RYR1: variants seen among roughly 807,000 people sequenced by gnomAD.
The protein encoded by RYR1 is central core disease of muscle.
Under a neutral mutation model 583.5 loss-of-function variants are expected in RYR1, and 342 were observed. The observed-to-expected ratio is 0.59, with a 90% CI of 0.54 to 0.64. The LOEUF (loss-of-function observed/expected upper bound fraction) is 0.64. Ranked by LOEUF, RYR1 falls within the 30% of genes least tolerant of loss-of-function variation. The pLI, the probability that RYR1 is intolerant of heterozygous loss-of-function variation, is 0.00. For synonymous variants in RYR1, 2,791 were observed against 2,822.5 expected, an observed-to-expected ratio of 0.99 and a Z score of 0.35; for missense variants, 6,032 against 6,917.2, an observed-to-expected ratio of 0.87 and a Z score of 4.54.
intron 89 of RYR1, 25 bp downstream of exon 89, chr19:38,548,445 C>T (rs775666694): frequency 6.2e-7 from 1 of 1,608,754 alleles, no homozygotes; most frequent in Admixed American, 1.7e-5. Flanking sequence ...TCGTGTGGGC[C>T]CAGGACTTGG....
chr19:38,570,707 A>G lies in RYR1; in HGVS notation c.13746+14A>G, dbSNP rs747979719. On this transcript the variant is annotated intron_variant, in intron 94 of 105. Coordinates refer to ENST00000359596, the MANE Select transcript of RYR1 (RefSeq NM_000540.3). ...CTGTTTTATAAGGTGCTGGTCCTGA[A>G]GGGCTGGGAGGGTCAGGCCCTTTTC... 1 of 1,602,026 alleles carries G rather than the reference A, an allele frequency of 6.2e-7. No homozygotes were observed. Among genetic ancestry groups the G allele is most frequent in the Non-Finnish European group, 8.6e-7 (1 of 1,169,282 alleles).
intron 1 of RYR1, among the ~76,000 whole-genome samples, chr19:38,436,208 C>A (rs1972419827): frequency 6.6e-6 from 1 of 151,934 alleles, no homozygotes; most frequent in African/African-American, 2.4e-5. Flanking sequence ...CCACGCCCGG[C>A]CTTTTTTTTT....
chr19:38,583,086 CAA>C (rs2145905893), intron 101 of RYR1, among the ~76,000 whole-genome samples: 1 of 152,172 alleles, frequency 6.6e-6, no homozygotes, highest in South Asian at 2.1e-4. Context: ...CATCTGAGGT[CAA>C]GAGTTTGAGA....
Position 38,573,171 on chromosome 19 carries a change from A to G in RYR1, c.13999-6A>G. The G allele has an allele frequency of 6.2e-7, 1 of 1,612,934 alleles. No homozygotes were observed. On this transcript the variant is annotated splice_polypyrimidine_tract_variant and splice_region_variant and intron_variant, in intron 95 of 105. Coordinates refer to ENST00000359596, the MANE Select transcript of RYR1 (RefSeq NM_000540.3). ...CGCCCACCTTTGGCCTCCTCCCACT[A>G]TCCAGGTGCCCCTGGTAATCTTTAA... is the stretch of plus-strand genomic sequence containing the variant.
At position 38,490,628 on chromosome 19, in the gene RYR1, T is replaced by A. The variant is rs199947661; in HGVS notation, c.6023T>A (p.Met2008Lys). The change falls in exon 37 of 106, where the codon ATG becomes AAG. Residue 2008 changes from methionine to lysine, a missense_variant. Coordinates refer to ENST00000359596, the MANE Select transcript of RYR1 (RefSeq NM_000540.3). ...TCTTTGACCTTCCCCTAGATCAATA[T>A]GCTATTGCAATTCAAAGATGGTACA... The part of the protein sequence containing the change: ...FRSPPQEQIN[M>K]LLQFKDGTDE... 1.2e-6 allele frequency: 2 copies of A among 1,601,906 alleles called. No homozygotes were observed. The highest frequency in any genetic ancestry group is 1.7e-6 in the Non-Finnish European group (2 of 1,168,900).
chr19:38,457,938 C>T, intron 17 of RYR1, 113 bp from the exon 18 acceptor site: 1 of 1,117,010 alleles, frequency 9.0e-7, no homozygotes, highest in Non-Finnish European at 1.4e-6. Context: ...CCCTGTCTCT[C>T]TCCCATCTCT....
chr19:38,485,084 T>C (rs898556629), intron 33 of RYR1, among the ~76,000 whole-genome samples: 1 of 152,186 alleles, frequency 6.6e-6, no homozygotes, highest in Non-Finnish European at 1.5e-5. Flanking sequence ...TGTCCTGCCC[T>C]TGGAATTTAC....
Position 38,496,352 on chromosome 19 carries a change from G to A in RYR1, c.6663+23G>A. 1 of 1,613,754 alleles carries A rather than the reference G, an allele frequency of 6.2e-7. No homozygotes were observed. The highest frequency in any genetic ancestry group is 8.5e-7 in the Non-Finnish European group (1 of 1,180,026). On this transcript the variant is annotated intron_variant, in intron 40 of 105. Coordinates refer to ENST00000359596, the MANE Select transcript of RYR1 (RefSeq NM_000540.3). This position sits in a 1 kb window ranked among gnomAD's most constrained non-coding sequence, Gnocchi z 4.8. Reference sequence around the variant, plus strand: ...AAGGTGAGGGCCCAGGCAGGTGCTGGGGAGCTCAGGGGAGGCAGCCACAGA... The same window carrying A: ...AAGGTGAGGGCCCAGGCAGGTGCTGAGGAGCTCAGGGGAGGCAGCCACAGA...
Position 38,504,997 on chromosome 19 carries a change from C to T in RYR1, c.8232-6C>T, listed in dbSNP as rs780160388. The T allele has an allele frequency of 6.2e-7, 1 of 1,613,994 alleles. No individual in the cohort carries two copies. Among genetic ancestry groups the T allele is most frequent in the Non-Finnish European group, 8.5e-7 (1 of 1,179,992 alleles). ...CCAACATCTGCTGACCCTGTGCCCC[C>T]AACAGTGTGATCATCCCGGAGAAGC... On this transcript the variant is annotated splice_region_variant and splice_polypyrimidine_tract_variant and intron_variant, in intron 51 of 105. Coordinates refer to ENST00000359596, the MANE Select transcript of RYR1 (RefSeq NM_000540.3).
intron 99 of RYR1, among the ~76,000 whole-genome samples, chr19:38,579,017 A>C (rs1974081315): frequency 6.6e-6 from 1 of 151,980 alleles, no homozygotes; most frequent in African/African-American, 2.4e-5. Flanking sequence ...GCCACTCAAC[A>C]AGCTGCGGTG....
chr19:38,573,146 C>A, intron 95 of RYR1, 31 bp from the exon 96 acceptor site: 1 of 1,612,646 alleles, frequency 6.2e-7, no homozygotes, highest in Non-Finnish European at 8.5e-7. Flanking sequence ...AGGTGCCTGA[C>A]GCCCACCTTT....
rs954565339 is a variant in RYR1, at chr19:38,534,733, A to G, written c.11273A>G (p.Glu3758Gly). The change falls in exon 79 of 106, where the codon GAG becomes GGG. Residue 3758 changes from glutamate (E) to glycine (G), a missense_variant. Coordinates refer to ENST00000359596, the MANE Select transcript of RYR1 (RefSeq NM_000540.3). ...CTCCCTTCCCAGGAGAAACAGATGGAGAAGCAGAGGCTCTTGTACCAGCAA... is the reference window on the plus strand; with the variant it reads ...CTCCCTTCCCAGGAGAAACAGATGGGGAAGCAGAGGCTCTTGTACCAGCAA... ...VEVSFEEKQMEKQRLLYQQAR... is the reference protein window; with the variant it reads ...VEVSFEEKQMGKQRLLYQQAR... 6.2e-7 allele frequency: 1 copy of G among 1,613,956 alleles called. No homozygotes were observed. The highest frequency in any genetic ancestry group is 8.5e-7 in the Non-Finnish European group (1 of 1,179,954).
At position 38,502,719 on chromosome 19, in the gene RYR1, G is replaced by A. The variant is rs201827284; in HGVS notation, c.7827G>A (p.Ser2609=). The change falls in exon 48 of 106, where the codon TCG becomes TCA. Residue 2609 remains serine, a synonymous_variant. Coordinates refer to ENST00000359596, the MANE Select transcript of RYR1 (RefSeq NM_000540.3). ...ACGTCATCGAGGACTGCCTCATGTCGCTCTGCAGGTGGAGCGGGGCAGGCT... is the reference window on the plus strand; with the variant it reads ...ACGTCATCGAGGACTGCCTCATGTCACTCTGCAGGTGGAGCGGGGCAGGCT... ...QRDVIEDCLM[S]LCRYIRPSML... The A allele has an allele frequency of 3.6e-5, 57 of 1,593,342 alleles. No individual in the cohort carries two copies. Among genetic ancestry groups the A allele is most frequent in the Non-Finnish European group, 4.4e-5 (52 of 1,174,468 alleles).
At chr19:38,562,882 A>G (rs534463469) in intron 90 of RYR1, among the ~76,000 whole-genome samples, 1 of 151,680 alleles carries the variant, frequency 6.6e-6, no homozygotes, top group Non-Finnish European at 1.5e-5. Flanking sequence ...CTCCTCACAT[A>G]CTCCGCAGGA....
intron 38 of RYR1, 86 bp from the exon 39 acceptor site, chr19:38,494,266 G>T (rs113148530): frequency 1.1e-5 from 17 of 1,554,992 alleles, no homozygotes; most frequent in African/African-American, 8.1e-5. Context: ...GGAACAGGGG[G>T]CCCCTTCCAC....
chr19:38,490,362 C>A (rs751835439), intron 36 of RYR1, 86 bp downstream of exon 36: 1 of 1,330,204 alleles, frequency 7.5e-7, no homozygotes, highest in Admixed American at 1.9e-5. Flanking sequence ...GGACCCTCAA[C>A]CTCTAAACCC....
intron 66 of RYR1, 102 bp downstream of exon 66, chr19:38,517,793 G>C (rs1231512823): frequency 1.3e-5 from 15 of 1,178,232 alleles, no homozygotes; most frequent in Admixed American, 1.9e-5. Flanking sequence ...GGAGTTGGGA[G>C]GAGTCAGAGT....
rs896027352 is a variant in RYR1 at position 38,534,562 on chromosome 19, C to A, written c.11260-158C>A. The stretch of plus-strand genomic sequence containing the variant: ...AGCCCCGTGCTAGGTACAGGAGATA[C>A]ATCGAGGGTGTGAGCCCCAGGGGAT... On this transcript the variant is annotated intron_variant, in intron 78 of 105. Coordinates refer to ENST00000359596, the MANE Select transcript of RYR1 (RefSeq NM_000540.3). Among the ~76,000 whole-genome samples the A allele has an allele frequency of 1.1e-4, 17 of 152,134 alleles. 1 individual carries two copies. The highest frequency in any genetic ancestry group is 7.2e-4 in the Admixed American group (11 of 15,276).
Position 38,433,850 on chromosome 19 carries a change from A to G in RYR1, c.21A>G (p.Glu7=). Residue 7 remains glutamate, a synonymous_variant, in exon 1 of 106, where the codon GAA becomes GAG. Transcript: ENST00000359596. ...ACATCATGGGTGACGCAGAAGGCGA[A>G]GACGAGGTCCAGTTCCTGCGGACGG... The part of the protein sequence containing the change: MGDAEG[E]DEVQFLRTDD... 1.9e-6 allele frequency: 3 copies of G among 1,613,024 alleles called. No individual in the cohort carries two copies. The highest frequency in any genetic ancestry group is 2.5e-6 in the Non-Finnish European group (3 of 1,179,406).
Sources: gnomAD v4.1 joint callset for allele counts (sites outside exome capture counted in the v4.1 genomes callset) on GRCh38, gnomAD v4.1.1 for gene constraint, Gnocchi (gnomAD v3.1) non-coding constraint, MANE v1.5 for transcripts, NCBI Gene and HGNC (gene_info 2026-07-23, HGNC 2026-07-21) for gene names.